The following USP3 variants were observed in gnomAD, a reference collection of about 807,000 sequenced individuals.
USP3 encodes the protein ubiquitin carboxyl-terminal hydrolase 3.
USP3 carries 20 observed loss-of-function variants against 72.3 expected under a neutral mutation model. The observed-to-expected ratio is 0.28, with a 90% CI of 0.19 to 0.40. USP3 has a LOEUF of 0.40. USP3 is among the 10% of genes least tolerant of loss of function. USP3 has a pLI of 1.00. For synonymous variants in USP3, 222 were observed against 225.3 expected (o/e 0.99, Z 0.13); for missense variants, 479 against 633.9 (o/e 0.76, Z 2.62).
intron 8 of USP3, among the ~76,000 whole-genome samples, chr15:63,568,615 C>G (rs2152677085): frequency 6.6e-6 from 1 of 152,178 alleles, no homozygotes; most frequent in Middle Eastern, 3.4e-3. Flanking sequence ...CCCAGTCATA[C>G]AACTAGAAAA....
At chr15:63,565,441 T>C (rs575664325) in intron 8 of USP3, among the ~76,000 whole-genome samples, 47 of 152,352 alleles carry the variant, frequency 3.1e-4, no homozygotes, top group African/African-American at 1.1e-3. Flanking sequence ...TTGCTTTTCA[T>C]AAAAATACTT....
In USP3 at chr15:63,592,608, A is replaced by G. The variant is rs1455285224; in HGVS notation, c.*1782A>G. ...CACCACCACACCCAGCTAATTTTTA[A>G]TATTTTTACTAGAGATGGGGTTTCA... On this transcript the variant is annotated 3_prime_UTR_variant, in exon 15 of 15. Coordinates refer to ENST00000380324, the MANE Select transcript of USP3 (RefSeq NM_006537.4). 2.0e-5 allele frequency: 3 copies of G among 151,532 alleles called. No homozygotes were observed. Among genetic ancestry groups the G allele is most frequent in the African/African-American group, 4.9e-5 (2 of 41,226 alleles). The allele number at this position is 151,532 out of a possible 1,614,324, so 9.4% of individuals were successfully genotyped here.
chr15:63,526,982 C>T (rs1476173360), intron 1 of USP3, among the ~76,000 whole-genome samples: 1 of 152,214 alleles, frequency 6.6e-6, no homozygotes, highest in East Asian at 1.9e-4. Flanking sequence ...GCAGCCTTGA[C>T]TTCCTGGGCT....
intron 9 of USP3, among the ~76,000 whole-genome samples, chr15:63,571,632 C>T (rs2152678228): frequency 6.6e-6 from 1 of 152,236 alleles, no homozygotes; most frequent in African/African-American, 2.4e-5. Flanking sequence ...GGATATTGAA[C>T]TGGGCACTAT....
In USP3 at chr15:63,569,072, A is replaced by G. The variant is rs75950677; in HGVS notation, c.762-1361A>G. Among the ~76,000 whole-genome samples the G allele has an allele frequency of 9.4e-4, 143 of 152,328 alleles. 1 individual carries two copies. Among genetic ancestry groups the G allele is most frequent in the African/African-American group, 3.4e-3 (142 of 41,570 alleles). On this transcript the variant is annotated intron_variant, in intron 8 of 14. Transcript: ENST00000380324. ...GCTGGTTTTCATGATACATTTTAGG[A>G]AAATGATGACTTAGATATTAGGTTA...
Position 63,544,819 on chromosome 15 carries a change from G to T in USP3, c.284+7663G>T. The T allele has an allele frequency of 1.5e-6, 1 of 684,178 alleles. No homozygotes were observed. Among genetic ancestry groups the T allele is most frequent in the Non-Finnish European group, 2.7e-6 (1 of 376,806 alleles). The allele number at this position is 684,178 out of a possible 1,614,324, so 42.4% of individuals were successfully genotyped here. A position where few individuals can be genotyped will look rare whatever the true frequency, so the allele number is the denominator to read the frequency against. ...TGAAAGGGAAGATTGGGAGGGAAGG[G>T]GTAGGAGATAAGAATATCTAAGCAA... On this transcript the variant is annotated intron_variant, in intron 3 of 14. Transcript: ENST00000380324. This position sits in a 1 kb window ranked among gnomAD's most constrained non-coding sequence, Gnocchi z 4.2.
At chr15:63,547,251 T>C (rs2066343041) in intron 3 of USP3, among the ~76,000 whole-genome samples, 1 of 152,168 alleles carries the variant, frequency 6.6e-6, no homozygotes. Context: ...ATCATAGTAA[T>C]ATATACAACT....
intron 9 of USP3, among the ~76,000 whole-genome samples, chr15:63,572,050 C>T (rs2066786767): frequency 6.6e-6 from 1 of 152,106 alleles, no homozygotes; most frequent in Admixed American, 6.5e-5. Context: ...CTTTATAGCA[C>T]ATAGGAAATC....
intron 3 of USP3, among the ~76,000 whole-genome samples, chr15:63,552,546 A>G (rs17766277): frequency 0.12 from 18,894 of 152,198 alleles, 1,596 homozygotes; most frequent in South Asian, 0.2. Context: ...AGAATATGTT[A>G]GAGAAATCTT....
chr15:63,588,860 G>GT lies in USP3; in HGVS notation c.1329+46dup. The GT allele has an allele frequency of 4.3e-6, 7 of 1,610,806 alleles. No individual in the cohort carries two copies. The highest frequency in any genetic ancestry group is 5.9e-6 in the Non-Finnish European group (7 of 1,177,058). On this transcript the variant is annotated intron_variant, in intron 13 of 14. Coordinates refer to ENST00000380324, the MANE Select transcript of USP3 (RefSeq NM_006537.4). This position sits in a 1 kb window ranked among gnomAD's most constrained non-coding sequence, Gnocchi z 4.6. Reference sequence around the variant, plus strand: ...AGCATGGTGAAAAAATGGCTCTTCAGTAAGATTGTCATCACATGGAGAGGG... The same window carrying GT: ...AGCATGGTGAAAAAATGGCTCTTCAGTTAAGATTGTCATCACATGGAGAGGG...
In USP3 at chr15:63,594,394, C is replaced by T. The variant is rs2649; in HGVS notation, c.*3568C>T. The T allele has an allele frequency of 0.092, 13,989 of 152,288 alleles. 718 individuals are homozygous for T. The highest frequency in any genetic ancestry group is 0.14 in the Middle Eastern group (42 of 294). The allele number at this position is 152,288 out of a possible 1,614,324, so 9.4% of individuals were successfully genotyped here. A position where few individuals can be genotyped will look rare whatever the true frequency, so the allele number is the denominator to read the frequency against. On this transcript the variant is annotated 3_prime_UTR_variant, in exon 15 of 15. Coordinates refer to ENST00000380324, the MANE Select transcript of USP3 (RefSeq NM_006537.4). ...TGTCATCTGTAGTCCAAGGTCTCTG[C>T]GTCTCGTCAGTGGGTGCAGTGCCTT...
chr15:63,551,239 C>T (rs937900412), intron 3 of USP3: 2 of 152,106 alleles, frequency 1.3e-5, no homozygotes, highest in Non-Finnish European at 2.9e-5. Flanking sequence ...AGCTTTTTAA[C>T]TTTGCTCTGC....
intron 2 of USP3, among the ~76,000 whole-genome samples, chr15:63,534,131 C>CA (rs1345597503): frequency 6.6e-6 from 1 of 152,076 alleles, no homozygotes; most frequent in Non-Finnish European, 1.5e-5. Flanking sequence ...TTGTCAATTG[C>CA]AAACAAGCTT....
intron 1 of USP3, among the ~76,000 whole-genome samples, chr15:63,525,796 AC>A (rs1262923471): frequency 2.0e-5 from 3 of 152,222 alleles, no homozygotes; most frequent in Non-Finnish European, 4.4e-5. Flanking sequence ...ACTTATATGT[AC>A]TGGAATGTTT....
Position 63,574,964 on chromosome 15 carries a change from G to A in USP3, c.1096+561G>A, listed in dbSNP as rs1465069879. Among the ~76,000 whole-genome samples, 1 of 152,106 alleles carries A rather than the reference G, an allele frequency of 6.6e-6. No homozygotes were observed. Among genetic ancestry groups the A allele is most frequent in the Non-Finnish European group, 1.5e-5 (1 of 68,026 alleles). On this transcript the variant is annotated intron_variant, in intron 11 of 14. Transcript: ENST00000380324. The surrounding 1 kb of genome is among the most constrained non-coding windows in gnomAD (Gnocchi z 4.6). ...TAAAATTTTATCCTAGACCATAAGT[G>A]TACAGACAGGTCACAATTAAAATGA...
At chr15:63,525,185 A>G (rs1431159093) in intron 1 of USP3, among the ~76,000 whole-genome samples, 1 of 152,148 alleles carries the variant, frequency 6.6e-6, no homozygotes, top group Non-Finnish European at 1.5e-5. Flanking sequence ...TTTGCTTCAT[A>G]ATTTTATCTT....
chr15:63,524,027 A>C (rs1053411605), intron 1 of USP3, among the ~76,000 whole-genome samples: 3 of 152,230 alleles, frequency 2.0e-5, no homozygotes, highest in African/African-American at 7.2e-5. Context: ...CTATGGAAAT[A>C]GTGCTTTTGA....
chr15:63,525,421 C>G (rs1034225102), intron 1 of USP3, among the ~76,000 whole-genome samples: 1 of 152,184 alleles, frequency 6.6e-6, no homozygotes, highest in Non-Finnish European at 1.5e-5. Context: ...GGGAACCTAA[C>G]CATCCTCTTT....
chr15:63,576,235 C>G (rs1207967623), intron 11 of USP3, among the ~76,000 whole-genome samples: 2 of 152,160 alleles, frequency 1.3e-5, no homozygotes, highest in East Asian at 3.9e-4. Context: ...GATCCACACC[C>G]CTTGGCTTCC....
Sources: allele counts gnomAD v4.1 joint callset (sites outside exome capture counted in the v4.1 genomes callset), GRCh38; gene constraint gnomAD v4.1.1; non-coding constraint Gnocchi (gnomAD v3.1); transcripts MANE v1.5; gene names NCBI Gene and HGNC (gene_info 2026-07-23, HGNC 2026-07-21).